SYCE2: variants seen among roughly 807,000 people sequenced by gnomAD.
SYCE2 encodes the protein synaptonemal complex central element protein 2.
In SYCE2, 3 loss-of-function variants were observed where a neutral mutation model predicts 27.9. The observed-to-expected ratio is 0.11, with a 90% CI of 0.05 to 0.28. The LOEUF is 0.28. Among genes scored for constraint, SYCE2 ranks in the 10% least tolerant of loss-of-function variants. The probability of loss-of-function intolerance (pLI) is 1.00; values close to 1 mark genes in which losing one functional copy is unlikely to be tolerated. For missense variants in SYCE2, 207 were observed against 263.5 expected, an observed-to-expected ratio of 0.79 and a Z score of 1.48; for synonymous variants, 85 against 100.7, an observed-to-expected ratio of 0.84 and a Z score of 0.93.
rs1442975540 is a variant in SYCE2 at position 12,917,286 on chromosome 19, C to T, written c.131+936G>A. ...GGCCAGGCTAGTCTCAAACTCCTGA[C>T]CTCATGATCTGCCTGCCTTGGCCTC... On this transcript the variant is annotated intron_variant, in intron 2 of 5. Transcript: ENST00000293695. 4.5e-4 allele frequency among the ~76,000 whole-genome samples: 67 copies of T among 150,378 alleles called. 1 individual carries two copies. The highest frequency in any genetic ancestry group is 3.7e-3 in the Middle Eastern group (1 of 272).
intron 2 of SYCE2, 103 bp downstream of exon 2, chr19:12,918,119 G>T: frequency 1.0e-6 from 1 of 952,702 alleles, no homozygotes; most frequent in South Asian, 1.4e-5. Flanking sequence ...TGTTAGGAGG[G>T]AAAAAAAAAG....
At chr19:12,917,592 A>G (rs1393410380) in intron 2 of SYCE2, among the ~76,000 whole-genome samples, 1 of 138,604 alleles carries the variant, frequency 7.2e-6, no homozygotes, top group Non-Finnish European at 1.5e-5. Context: ...CCATCTCTTG[A>G]CCTTTTGATC....
chr19:12,904,101 C>A (rs1336737494), intron 3 of SYCE2, among the ~76,000 whole-genome samples: 1 of 152,212 alleles, frequency 6.6e-6, no homozygotes, highest in African/African-American at 2.4e-5. Flanking sequence ...GGCTGCTCGA[C>A]CTTGCGTGAA....
intron 2 of SYCE2, among the ~76,000 whole-genome samples, chr19:12,905,377 G>T (rs1970916200): frequency 6.6e-6 from 1 of 152,064 alleles, no homozygotes; most frequent in Admixed American, 6.5e-5. Flanking sequence ...TGTCGCCCAG[G>T]CTGGAGTGCA....
At chr19:12,917,848 G>A (rs929090431) in intron 2 of SYCE2, among the ~76,000 whole-genome samples, 10 of 151,570 alleles carry the variant, frequency 6.6e-5, no homozygotes, top group Non-Finnish European at 1.5e-4. Context: ...TAGTAGAGAC[G>A]GGGTTTCTCC....
At chr19:12,900,180 G>A (rs1970806724) in intron 4 of SYCE2, 60 bp from the exon 5 acceptor site, 1 of 1,549,126 alleles carries the variant, frequency 6.5e-7, no homozygotes. Context: ...GGGCAGAGGG[G>A]ATGATTTCTG....
chr19:12,899,395 C>A lies in SYCE2; in HGVS notation c.613-10G>T. On this transcript the variant is annotated splice_polypyrimidine_tract_variant and intron_variant, in intron 5 of 5. Coordinates refer to ENST00000293695, the MANE Select transcript of SYCE2 (RefSeq NM_001105578.2). The stretch of plus-strand genomic sequence containing the variant: ...CTTCTGAAGCAGTGGCCTGGGGATA[C>A]ATGAAAATTGATTTTAAAGGGAAGT... The A allele has an allele frequency of 6.2e-7, 1 of 1,614,074 alleles. No homozygotes were observed. Among genetic ancestry groups the A allele is most frequent in the Non-Finnish European group, 8.5e-7 (1 of 1,179,992 alleles).
At chr19:12,900,190 G>C in intron 4 of SYCE2, 70 bp from the exon 5 acceptor site, 1 of 1,529,894 alleles carries the variant, frequency 6.5e-7, no homozygotes, top group Non-Finnish European at 8.8e-7. Flanking sequence ...GATGATTTCT[G>C]AGTGGCAGGG....
intron 2 of SYCE2, among the ~76,000 whole-genome samples, chr19:12,910,417 G>A (rs963406394): frequency 3.3e-5 from 5 of 151,590 alleles, no homozygotes; most frequent in African/African-American, 2.4e-5. Context: ...CTGGAGTGTC[G>A]CTCAGGCTGG....
intron 4 of SYCE2, 102 bp downstream of exon 4, chr19:12,900,358 G>A (rs1165706095): frequency 4.6e-6 from 6 of 1,309,254 alleles, no homozygotes; most frequent in South Asian, 2.9e-5. Context: ...GTGGCCTGGC[G>A]GGGTCAGGGC....
chr19:12,911,615 C>CTTTTTTTTTTTTTTTT (rs71168633), intron 2 of SYCE2, among the ~76,000 whole-genome samples: 1 of 103,748 alleles, frequency 9.6e-6, no homozygotes. Flanking sequence ...TAATTTTTGC[C>CTTTTTTTTTTTTTTTT]TTTTTTTTTT....
intron 3 of SYCE2, among the ~76,000 whole-genome samples, chr19:12,903,630 CT>C (rs1970884143): frequency 6.6e-6 from 1 of 152,048 alleles, no homozygotes; most frequent in Non-Finnish European, 1.5e-5. Context: ...TGTGATCCCC[CT>C]GCCTCAGCCT....
intron 1 of SYCE2, among the ~76,000 whole-genome samples, chr19:12,918,824 G>A (rs867697663): frequency 6.6e-6 from 1 of 152,092 alleles, no homozygotes; most frequent in South Asian, 2.1e-4. Flanking sequence ...GGTGGTGCGT[G>A]CCTGTAATCC....
intron 1 of SYCE2, among the ~76,000 whole-genome samples, 180 bp downstream of exon 1, chr19:12,919,063 G>A (rs1971194308): frequency 6.6e-6 from 1 of 152,038 alleles, no homozygotes; most frequent in South Asian, 2.1e-4. Flanking sequence ...CCGTCAGTGC[G>A]TCAGTCAGGG....
chr19:12,899,444 C>G, intron 5 of SYCE2, 59 bp from the exon 6 acceptor site: 2 of 1,613,982 alleles, frequency 1.2e-6, no homozygotes, highest in Non-Finnish European at 1.7e-6. Context: ...AACTCCAAAC[C>G]GACTCTGTAT....
chr19:12,917,062 A>T (rs1404802519), intron 2 of SYCE2, among the ~76,000 whole-genome samples: 3 of 135,026 alleles, frequency 2.2e-5, no homozygotes, highest in African/African-American at 8.4e-5. Context: ...TACTATATAT[A>T]TACTTTTTTT....
At chr19:12,910,928 C>T (rs1326360527) in intron 2 of SYCE2, among the ~76,000 whole-genome samples, 6 of 151,960 alleles carry the variant, frequency 3.9e-5, no homozygotes, top group Non-Finnish European at 5.9e-5. Flanking sequence ...CCGCCCGTCT[C>T]GGCCTCCCAA....
Position 12,913,199 on chromosome 19 carries a change from A to C in SYCE2, c.131+5023T>G, listed in dbSNP as rs142393630. Reference sequence around the variant, plus strand: ...TTCATCTATTATGGTCTGTCCTTCTAAGAAGTCCCTAATTTGGCTGCGAGG... The same window carrying C: ...TTCATCTATTATGGTCTGTCCTTCTCAGAAGTCCCTAATTTGGCTGCGAGG... On this transcript the variant is annotated intron_variant, in intron 2 of 5. Coordinates refer to ENST00000293695, the MANE Select transcript of SYCE2 (RefSeq NM_001105578.2). Among the ~76,000 whole-genome samples the C allele has an allele frequency of 4.0e-3, 603 of 152,274 alleles. 5 individuals carry two copies. Among genetic ancestry groups the C allele is most frequent in the African/African-American group, 0.014 (561 of 41,546 alleles).
chr19:12,903,387 G>A (rs148902160), intron 3 of SYCE2, among the ~76,000 whole-genome samples: 252 of 148,240 alleles, frequency 1.7e-3, no homozygotes, highest in African/African-American at 5.8e-3. Context: ...CACCACGCCC[G>A]GCCCTCTTCT....
Sources: gnomAD v4.1 joint callset for allele counts (sites outside exome capture counted in the v4.1 genomes callset) on GRCh38, gnomAD v4.1.1 for gene constraint, MANE v1.5 for transcripts, NCBI Gene and HGNC (gene_info 2026-07-23, HGNC 2026-07-21) for gene names.